DDX52: variants seen among roughly 807,000 people sequenced by gnomAD.
The protein encoded by DDX52 is DExD-box helicase 52.
Under a neutral mutation model 76.1 loss-of-function variants are expected in DDX52, and 59 were observed. The ratio of observed to expected loss-of-function variants is 0.78; its 90% confidence interval spans 0.63 to 0.96. The LOEUF (loss-of-function observed/expected upper bound fraction) is 0.96. DDX52 is among the 40% of genes least tolerant of loss of function. The pLI, the probability that DDX52 is intolerant of heterozygous loss-of-function variation, is 0.00. For missense variants in DDX52, 707 were observed against 703.9 expected, an observed-to-expected ratio of 1.00 and a Z score of -0.05; for synonymous variants, 231 against 244.1, an observed-to-expected ratio of 0.95 and a Z score of 0.50.
intron 2 of DDX52, among the ~76,000 whole-genome samples, chr17:37,637,440 G>A (rs1360755779): frequency 3.3e-5 from 5 of 151,246 alleles, no homozygotes; most frequent in African/African-American, 9.7e-5. Flanking sequence ...CCTATTTTTT[G>A]TATAGATGGA....
intron 4 of DDX52, 130 bp from the exon 5 acceptor site, chr17:37,630,303 A>G (rs2030614862): frequency 4.8e-6 from 5 of 1,037,760 alleles, no homozygotes; most frequent in East Asian, 2.7e-5. Context: ...CTTTCAAGTC[A>G]TATCTGCTTT....
chr17:37,627,637 GAGGCCCA>G (rs2030454042), intron 6 of DDX52, among the ~76,000 whole-genome samples: 1 of 150,368 alleles, frequency 6.7e-6, no homozygotes, highest in Non-Finnish European at 1.5e-5. Flanking sequence ...ATTTTATGCA[GAGGCCCA>G]AGATTTAAAC....
rs777407686 is a variant in DDX52, at chr17:37,618,396, AAAGT to A, written c.1650-16_1650-13del. The A allele has an allele frequency of 6.4e-7, 1 of 1,569,912 alleles. No homozygotes were observed. The highest frequency in any genetic ancestry group is 2.3e-5 in the East Asian group (1 of 42,576). On this transcript the variant is annotated splice_polypyrimidine_tract_variant and intron_variant, in intron 13 of 14. Transcript: ENST00000617633. Reference sequence around the variant, plus strand: ...TTTTCTTTTGTTTGCTGAAAGTTACAAAGTAAAAAAGGAAAAGAATTAAGTGCAA... The same window carrying A: ...TTTTCTTTTGTTTGCTGAAAGTTACAAAAAAAGGAAAAGAATTAAGTGCAA...
At chr17:37,628,368 AT>A (rs2030495734) in intron 6 of DDX52, among the ~76,000 whole-genome samples, 192 bp downstream of exon 6, 1 of 152,192 alleles carries the variant, frequency 6.6e-6, no homozygotes, top group Non-Finnish European at 1.5e-5. Flanking sequence ...GATTGTCTCT[AT>A]TTGAGAACTA....
At chr17:37,630,644 T>G (rs1383728094) in intron 4 of DDX52, among the ~76,000 whole-genome samples, 4 of 150,564 alleles carry the variant, frequency 2.7e-5, no homozygotes, top group Admixed American at 1.3e-4. Context: ...ACTGTGTTTT[T>G]TTTTTTTTTT....
At chr17:37,631,923 A>T in intron 4 of DDX52, 190 bp downstream of exon 4, 2 of 648,256 alleles carry the variant, frequency 3.1e-6, no homozygotes, top group Middle Eastern at 4.2e-4. Context: ...AAAAGGAAGA[A>T]GATCACATCT....
At chr17:37,629,226 AATACACACAC>A (rs1484633286) in intron 5 of DDX52, among the ~76,000 whole-genome samples, 2 of 101,458 alleles carry the variant, frequency 2.0e-5, no homozygotes, top group African/African-American at 7.9e-5. Flanking sequence ...CCCAAGAAAA[AATACACACAC>A]ACACACACAC....
chr17:37,626,693 C>G (rs2030391478), intron 7 of DDX52, 95 bp downstream of exon 7: 1 of 1,271,788 alleles, frequency 7.9e-7, no homozygotes. Flanking sequence ...TGGCAAACAG[C>G]AAGCTCCAAA....
At chr17:37,618,463 T>G (rs2039078892) in intron 13 of DDX52, 79 bp from the exon 14 acceptor site, 1 of 1,210,282 alleles carries the variant, frequency 8.3e-7, no homozygotes. Flanking sequence ...TTAGTTTTGA[T>G]CCTTGATCAC....
chr17:37,626,613 C>T (rs12947529), intron 7 of DDX52, among the ~76,000 whole-genome samples, 175 bp downstream of exon 7: 26,636 of 152,126 alleles, frequency 0.18, 2,524 homozygotes, highest in Admixed American at 0.29. Flanking sequence ...CTCAAAGATA[C>T]GAGGTTCCAT....
intron 4 of DDX52, among the ~76,000 whole-genome samples, chr17:37,630,589 G>A (rs1438702263): frequency 6.6e-6 from 1 of 151,286 alleles, no homozygotes; most frequent in South Asian, 2.1e-4. Context: ...AAATGGCAAT[G>A]ACCTGAGGGC....
intron 5 of DDX52, among the ~76,000 whole-genome samples, chr17:37,628,907 T>C (rs1345648626): frequency 6.6e-6 from 1 of 152,178 alleles, no homozygotes; most frequent in Non-Finnish European, 1.5e-5. Context: ...CTAACCTATT[T>C]TGTATTGTTT....
intron 2 of DDX52, among the ~76,000 whole-genome samples, chr17:37,634,926 G>A (rs539133552): frequency 8.6e-5 from 13 of 151,172 alleles, no homozygotes; most frequent in Middle Eastern, 3.4e-3. Flanking sequence ...TCAGCCTCCC[G>A]AGTAGCTGGG....
intron 7 of DDX52, among the ~76,000 whole-genome samples, chr17:37,626,477 A>T (rs1011666062): frequency 9.9e-5 from 15 of 152,158 alleles, no homozygotes; most frequent in Non-Finnish European, 7.4e-5. Flanking sequence ...GGGTCAATTA[A>T]ACCTTCCGTT....
chr17:37,626,006 C>A lies in DDX52; in HGVS notation c.1025G>T (p.Cys342Phe). The change falls in exon 8 of 15, where the codon TGC (cysteine) becomes TTC (phenylalanine). Residue 342 changes from cysteine to phenylalanine, a missense_variant. By Grantham distance (205) the Cys-to-Phe change is radical. Coordinates refer to ENST00000617633, the MANE Select transcript of DDX52 (RefSeq NM_007010.5). ...AGCTCTTCGGACCTTGTGGGATGTGCAGGCCAGGAAAATGGAAGCCAGCTG... is the reference window on the plus strand; with the variant it reads ...AGCTCTTCGGACCTTGTGGGATGTGAAGGCCAGGAAAATGGAAGCCAGCTG... ...RDQLASIFLA[C>F]TSHKVRRAMF... 1 of 1,614,122 alleles carries A rather than the reference C, an allele frequency of 6.2e-7. No individual in the cohort carries two copies. Among genetic ancestry groups the A allele is most frequent in the African/African-American group, 1.3e-5 (1 of 75,020 alleles).
Position 37,618,319 on chromosome 17 carries a change from C to G in DDX52, c.1715G>C (p.Cys572Ser). ...ERESISTTPK[C>S]FLEKAKDKQK... ...TTTATCCTTAGCTTTTTCTAAGAAA[C>G]ATTTTGGAGTTGTACTAATGCTCTC... is the stretch of plus-strand genomic sequence containing the variant. Residue 572 changes from cysteine (C) to serine (S), a missense_variant, in exon 14 of 15, where the codon TGT becomes TCT. Cys to Ser is a moderately radical substitution (Grantham distance 112). Coordinates refer to ENST00000617633, the MANE Select transcript of DDX52 (RefSeq NM_007010.5). 1 of 1,597,588 alleles carries G rather than the reference C, an allele frequency of 6.3e-7. No individual in the cohort carries two copies. The highest frequency in any genetic ancestry group is 1.7e-4 in the Middle Eastern group (1 of 6,006).
chr17:37,627,452 G>A (rs551264790), intron 6 of DDX52, among the ~76,000 whole-genome samples: 2 of 152,112 alleles, frequency 1.3e-5, no homozygotes, highest in East Asian at 3.9e-4. Flanking sequence ...TCCCTATGCT[G>A]TCCAGGCTGG....
chr17:37,628,791 A>C lies in DDX52; in HGVS notation c.748-119T>G, dbSNP rs150716301. 9.9e-6 allele frequency: 7 copies of C among 710,510 alleles called. No individual in the cohort carries two copies. The African/African-American group carries it at 1.3e-4, about 13-fold the overall frequency. The allele number at this position is 710,510 out of a possible 1,614,324, so 44.0% of individuals were successfully genotyped here. ...CCCATGAATATCTGAAATTAAACTC[A>C]TAACAATCTGTAGATTAACCTGAAA... On this transcript the variant is annotated intron_variant, in intron 5 of 14. Transcript: ENST00000617633.
rs369132245 is a variant in DDX52, at chr17:37,643,365, C to T, written c.56G>A (p.Arg19Lys). 39 of 1,613,958 alleles carry T rather than the reference C, an allele frequency of 2.4e-5. No individual in the cohort carries two copies. Among genetic ancestry groups the T allele is most frequent in the Non-Finnish European group, 3.1e-5 (37 of 1,179,954 alleles). ...TCGAGCTGCGTCTGCCGAGAAGCGT[C>T]TCGTGTCGAATTTGGCCCCCGCGCC... ...RLGAGAKFDT[R>K]RFSADAARFQ... The change falls in exon 1 of 15, where the codon AGA (arginine) becomes AAA (lysine). Residue 19 changes from arginine (R) to lysine (K), a missense_variant. Arg to Lys is a conservative substitution (Grantham distance 26, BLOSUM62 2). Coordinates refer to ENST00000617633, the MANE Select transcript of DDX52 (RefSeq NM_007010.5).
Sources: gnomAD v4.1 joint callset for allele counts (sites outside exome capture counted in the v4.1 genomes callset) on GRCh38, gnomAD v4.1.1 for gene constraint, MANE v1.5 for transcripts, NCBI Gene and HGNC (gene_info 2026-07-23, HGNC 2026-07-21) for gene names.